Variants in DYNLT2 observed in about 807,000 individuals in gnomAD.
The protein encoded by DYNLT2 is dynein light chain Tctex-type 2.
DYNLT2 carries 24 observed loss-of-function variants against 24.3 expected under a neutral mutation model. That is an observed-to-expected ratio of 0.99 (90% CI 0.71 to 1.39). DYNLT2 has a LOEUF of 1.39. DYNLT2 is among the 40% of genes most tolerant of loss of function. The pLI is 0.00. For synonymous variants in DYNLT2, 85 were observed against 85.4 expected (o/e 1.00, Z 0.03); for missense variants, 246 against 234.5 (o/e 1.05, Z -0.32).
chr6:169,751,480 C>G lies in DYNLT2; in HGVS notation c.-22G>C. 11 of 1,612,310 alleles carry G rather than the reference C, an allele frequency of 6.8e-6. No homozygotes were observed. The highest frequency in any genetic ancestry group is 8.5e-6 in the Non-Finnish European group (10 of 1,179,216). ...CCATCTCGCTCTGTTCTCCAAGACG[C>G]CCACCGCCTCCCCTTCACCGCCGGC... On this transcript the variant is annotated 5_prime_UTR_variant, in exon 1 of 4. Coordinates refer to ENST00000366774, the MANE Select transcript of DYNLT2 (RefSeq NM_174910.3).
At chr6:169,727,158 C>G in the DYNLT2 span, among the ~76,000 whole-genome samples, 244 of 152,288 alleles carry the variant, frequency 1.6e-3, 1 homozygote, top group African/African-American at 5.6e-3. Flanking sequence ...CTGTTTCAAG[C>G]TATTTCAGCA....
chr6:169,731,202 CAGTG>C, the DYNLT2 span, among the ~76,000 whole-genome samples: 3 of 152,286 alleles, frequency 2.0e-5, no homozygotes, highest in East Asian at 5.8e-4. Context: ...GTTGGATTGA[CAGTG>C]AGAAGTGTTG....
chr6:169,740,265 A>C lies in DYNLT2; in HGVS notation c.517T>G (p.Trp173Gly). 1 of 1,614,068 alleles carries C rather than the reference A, an allele frequency of 6.2e-7. No individual in the cohort carries two copies. Reference sequence around the variant, plus strand: ...TGTTTAGCTGCGACCCAGCTGTCCCATGCAATGTCCCAGATCCATCTGCTG... The same window carrying C: ...TGTTTAGCTGCGACCCAGCTGTCCCCTGCAATGTCCCAGATCCATCTGCTG... The part of the protein sequence containing the change: ...IASRWIWDIA[W>G]DSWVAAKHEA... Residue 173 changes from tryptophan to glycine, a missense_variant, in exon 4 of 4, where the codon TGG (tryptophan) becomes GGG (glycine). Trp to Gly is a radical substitution (Grantham distance 184). Transcript: ENST00000366774.
the DYNLT2 span, among the ~76,000 whole-genome samples, chr6:169,733,397 T>C: frequency 2.6e-5 from 4 of 152,248 alleles, no homozygotes; most frequent in African/African-American, 7.2e-5. Context: ...TAGGTTTTCT[T>C]CTAGAGTTTT....
the DYNLT2 span, chr6:169,725,617 A>G: frequency 3.4e-6 from 1 of 298,320 alleles, no homozygotes; most frequent in Non-Finnish European, 6.1e-6. Flanking sequence ...TTCACTGATC[A>G]GGGTAGAGTT....
At chr6:169,733,273 GA>G in the DYNLT2 span, among the ~76,000 whole-genome samples, 1 of 152,130 alleles carries the variant, frequency 6.6e-6, no homozygotes, top group Non-Finnish European at 1.5e-5. Flanking sequence ...TTGCTGTACA[GA>G]AGCTCTTTAG....
At chr6:169,734,185 T>C in the DYNLT2 span, among the ~76,000 whole-genome samples, 1 of 152,224 alleles carries the variant, frequency 6.6e-6, no homozygotes, top group Non-Finnish European at 1.5e-5. Context: ...GTTTTGGGGC[T>C]GAGATGATGT....
the DYNLT2 span, among the ~76,000 whole-genome samples, chr6:169,734,922 CT>C: frequency 6.6e-6 from 1 of 151,954 alleles, no homozygotes; most frequent in Non-Finnish European, 1.5e-5. Flanking sequence ...TTGCCCTGGG[CT>C]TTTTTTGGTT....
chr6:169,740,896 C>T (rs1041334088), intron 3 of DYNLT2, among the ~76,000 whole-genome samples: 3 of 151,836 alleles, frequency 2.0e-5, no homozygotes, highest in Middle Eastern at 3.4e-3. Flanking sequence ...GCAACCTCCA[C>T]CTCCTGAGTT....
At chr6:169,725,161 G>T in the DYNLT2 span, 4 of 398,700 alleles carry the variant, frequency 1.0e-5, no homozygotes, top group Non-Finnish European at 1.8e-5. Context: ...AAAAACAGCG[G>T]AAAGTGAGGA....
chr6:169,744,842 T>C (rs1404093897), intron 1 of DYNLT2, among the ~76,000 whole-genome samples: 1 of 152,218 alleles, frequency 6.6e-6, no homozygotes, highest in African/African-American at 2.4e-5. Flanking sequence ...TGACATCCAA[T>C]ATGCATTAAT....
In DYNLT2 at chr6:169,751,506, G is replaced by C; in HGVS notation, c.-48C>G. Reference sequence around the variant, plus strand: ...CCACCGCCTCCCCTTCACCGCCGGCGGTCAAACGCCCTAGCCAGTCCCGCG... The same window carrying C: ...CCACCGCCTCCCCTTCACCGCCGGCCGTCAAACGCCCTAGCCAGTCCCGCG... On this transcript the variant is annotated 5_prime_UTR_variant, in exon 1 of 4. Coordinates refer to ENST00000366774, the MANE Select transcript of DYNLT2 (RefSeq NM_174910.3). The C allele has an allele frequency of 6.2e-7, 1 of 1,610,966 alleles. No individual in the cohort carries two copies. The highest frequency in any genetic ancestry group is 8.5e-7 in the Non-Finnish European group (1 of 1,178,590).
At position 169,740,501 on chromosome 6, in the gene DYNLT2, T is replaced by G. The variant is rs186043162; in HGVS notation, c.487-206A>C. 4.3e-3 allele frequency among the ~76,000 whole-genome samples: 660 copies of G among 152,294 alleles called. 6 individuals carry two copies. Among genetic ancestry groups the G allele is most frequent in the African/African-American group, 0.015 (631 of 41,568 alleles). Reference sequence around the variant, plus strand: ...CTTCTTCTTTACCGGAGGCTGGCCTTTCTCTAAACAGAGAGAGGCTCCCTT... The same window carrying G: ...CTTCTTCTTTACCGGAGGCTGGCCTGTCTCTAAACAGAGAGAGGCTCCCTT... On this transcript the variant is annotated intron_variant, in intron 3 of 3. Transcript: ENST00000366774.
chr6:169,735,507 A>T (rs1421083879), downstream of DYNLT2, among the ~76,000 whole-genome samples: 1 of 152,152 alleles, frequency 6.6e-6, no homozygotes, highest in Non-Finnish European at 1.5e-5. Flanking sequence ...GGTTTCAAAT[A>T]ACTTCTTGAT....
rs1160410263 is a variant in DYNLT2 at position 169,744,415 on chromosome 6, A to G, written c.121-141T>C. 2.0e-5 allele frequency: 14 copies of G among 717,228 alleles called. No homozygotes were observed. The Admixed American group carries it at 2.9e-4, about 15-fold the overall frequency. 44.4% of individuals were successfully genotyped at this position (717,228 alleles called of 1,614,324 possible). On this transcript the variant is annotated intron_variant, in intron 1 of 3. Transcript: ENST00000366774. ...GGAAATTTGTTAAACAGATTTCTACAATAATGTGGTTGCTAAATCCTAGAT... is the reference window on the plus strand; with the variant it reads ...GGAAATTTGTTAAACAGATTTCTACGATAATGTGGTTGCTAAATCCTAGAT...
At chr6:169,725,433 A>AG in the DYNLT2 span, 1 of 397,786 alleles carries the variant, frequency 2.5e-6, no homozygotes, top group Admixed American at 4.4e-5. Flanking sequence ...CAGGTCAGAG[A>AG]GGTCACCACT....
Position 169,740,137 on chromosome 6 carries a change from TA to T in DYNLT2, c.*47del. 8.1e-7 allele frequency: 1 copy of T among 1,231,514 alleles called. No homozygotes were observed. Among genetic ancestry groups the T allele is most frequent in the Non-Finnish European group, 1.2e-6 (1 of 842,918 alleles). The allele number at this position is 1,231,514 out of a possible 1,614,324, so 76.3% of individuals were successfully genotyped here. A position where few individuals can be genotyped will look rare whatever the true frequency, so the allele number is the denominator to read the frequency against. ...GGTTTACAAATATGTAAATTTCATT[TA>T]TTTTTGAAAAGTTCGGAAGTAAACA... On this transcript the variant is annotated 3_prime_UTR_variant, in exon 4 of 4. Coordinates refer to ENST00000366774, the MANE Select transcript of DYNLT2 (RefSeq NM_174910.3).
the DYNLT2 span, among the ~76,000 whole-genome samples, chr6:169,733,374 G>A: frequency 1.3e-5 from 2 of 152,172 alleles, no homozygotes; most frequent in African/African-American, 4.8e-5. Flanking sequence ...CCTGTGTCCT[G>A]AATGGTATTG....
intron 1 of DYNLT2, among the ~76,000 whole-genome samples, chr6:169,744,928 T>G (rs993663962): frequency 2.6e-5 from 4 of 152,210 alleles, no homozygotes; most frequent in Non-Finnish European, 5.9e-5. Flanking sequence ...AGCTTCATTT[T>G]ATTAATAGCC....
Sources: allele counts gnomAD v4.1 joint callset (sites outside exome capture counted in the v4.1 genomes callset), GRCh38; gene constraint gnomAD v4.1.1; transcripts MANE v1.5; gene names NCBI Gene and HGNC (gene_info 2026-07-23, HGNC 2026-07-21).